GRIN2B: variants seen among roughly 807,000 people sequenced by gnomAD.
GRIN2B encodes glutamate ionotropic receptor NMDA type subunit 2B, also known as glutamate receptor ionotropic, NMDA 2B.
A neutral mutation model predicts 114.5 loss-of-function variants in GRIN2B; 5 were observed. That is an observed-to-expected ratio of 0.04 (90% CI 0.02 to 0.09). The LOEUF is 0.09. Among genes scored for constraint, GRIN2B ranks in the 10% least tolerant of loss-of-function variants. The pLI, the probability that GRIN2B is intolerant of heterozygous loss-of-function variation, is 1.00. For synonymous variants in GRIN2B, 787 were observed against 745.1 expected (o/e 1.06, Z -0.92); for missense variants, 1,108 against 1,943.5 (o/e 0.57, Z 8.08).
intron 2 of GRIN2B, among the ~76,000 whole-genome samples, chr12:13,909,975 T>G (rs909750922): frequency 7.2e-5 from 11 of 152,320 alleles, no homozygotes; most frequent in African/African-American, 2.6e-4. Context: ...TTAAGCCAAC[T>G]AAAATATTTA....
chr12:13,550,877 C>T lies in GRIN2B; in HGVS notation c.*11906G>A, dbSNP rs762686809. On this transcript the variant is annotated 3_prime_UTR_variant, in exon 14 of 14. Transcript: ENST00000609686. ...TTGAGGATGGGCTGCTCAGAGTCAA[C>T]TCAGGATAAGTATACCTCAAGATGA... The T allele has an allele frequency of 6.6e-6, 1 of 152,054 alleles. No homozygotes were observed. The highest frequency in any genetic ancestry group is 1.5e-5 in the Non-Finnish European group (1 of 68,032). The allele number at this position is 152,054 out of a possible 1,614,324, so 9.4% of individuals were successfully genotyped here. A position where few individuals can be genotyped will look rare whatever the true frequency, so the allele number is the denominator to read the frequency against.
chr12:13,801,167 CTTAAAA>C (rs1412831971), intron 3 of GRIN2B, among the ~76,000 whole-genome samples: 1 of 152,088 alleles, frequency 6.6e-6, no homozygotes, highest in Non-Finnish European at 1.5e-5. Context: ...TAAATACTGA[CTTAAAA>C]TTAAGTTCTA....
chr12:13,568,203 TAGGAAGTAGG>T lies in GRIN2B; in HGVS notation c.2360-950_2360-941del, dbSNP rs112007258. Among the ~76,000 whole-genome samples, 62 of 152,230 alleles carry T rather than the reference TAGGAAGTAGG, an allele frequency of 4.1e-4. No individual in the cohort carries two copies. The East Asian group carries it at 7.4e-3, about 18-fold the overall frequency. ...GACCTTTTTCCACTTCACCAGATGC[TAGGAAGTAGG>T]AGGAAGTAGGAAGAGGTCCCAGACA... On this transcript the variant is annotated intron_variant, in intron 12 of 13. Transcript: ENST00000609686.
At chr12:13,728,806 C>T (rs545578767) in intron 4 of GRIN2B, among the ~76,000 whole-genome samples, 48 of 152,308 alleles carry the variant, frequency 3.2e-4, no homozygotes, top group South Asian at 1.0e-3. Context: ...CAACAGTCAC[C>T]TGTAAGTTGT....
chr12:13,615,570 T>C lies in GRIN2B; in HGVS notation c.1423A>G (p.Thr475Ala). 1 of 1,612,738 alleles carries C rather than the reference T, an allele frequency of 6.2e-7. No individual in the cohort carries two copies. Among genetic ancestry groups the C allele is most frequent in the Non-Finnish European group, 8.5e-7 (1 of 1,178,766 alleles). Residue 475 changes from threonine (T) to alanine (A), a missense_variant, in exon 7 of 14, where the codon ACC becomes GCC. By Grantham distance (58) the Thr-to-Ala change is moderately conservative (BLOSUM62 0). Coordinates refer to ENST00000609686, the MANE Select transcript of GRIN2B (RefSeq NM_000834.5). This position sits in a 1 kb window ranked among gnomAD's most constrained non-coding sequence, Gnocchi z 5.8. Reference protein sequence around the residue: ...LKKISKSVKFTYDLYLVTNGK... With the variant: ...LKKISKSVKFAYDLYLVTNGK... The stretch of plus-strand genomic sequence containing the variant: ...TTGGTAACCAGGTAAAGGTCATAGG[T>C]GAACTTCACAGATTTAGAAATTTTC...
At chr12:13,744,276 T>C (rs1863335347) in intron 4 of GRIN2B, among the ~76,000 whole-genome samples, 3 of 152,216 alleles carry the variant, frequency 2.0e-5, no homozygotes, top group Admixed American at 2.0e-4. Context: ...ATCATCTAAA[T>C]AGTCTCAGCA....
chr12:13,784,108 C>T (rs1170431173), intron 3 of GRIN2B, among the ~76,000 whole-genome samples: 1 of 151,544 alleles, frequency 6.6e-6, no homozygotes, highest in Non-Finnish European at 1.5e-5. Context: ...CCTGTAGTCC[C>T]AGCTATTCAG....
At chr12:13,713,679 G>GT (rs77484247) in intron 4 of GRIN2B, among the ~76,000 whole-genome samples, 14,178 of 151,538 alleles carry the variant, frequency 0.094, 862 homozygotes, top group East Asian at 0.18. Flanking sequence ...ATTTTTGCCT[G>GT]TTTTTTTTCT....
At position 13,967,876 on chromosome 12, in the gene GRIN2B, G is replaced by A. The variant is rs570251899; in HGVS notation, c.-19+12052C>T. Among the ~76,000 whole-genome samples the A allele has an allele frequency of 4.6e-5, 7 of 152,254 alleles. 1 individual carries two copies. The South Asian group carries it at 8.3e-4, about 18-fold the overall frequency. On this transcript the variant is annotated intron_variant, in intron 2 of 13. Transcript: ENST00000609686. ...GTCAGAGCAAGAGGCATGAGCAAAG[G>A]CCTGGAGTGTAAATCAGCCTTTCAC...
chr12:13,567,990 C>CAGAG (rs979020721), intron 12 of GRIN2B, among the ~76,000 whole-genome samples: 12 of 151,782 alleles, frequency 7.9e-5, no homozygotes, highest in African/African-American at 2.9e-4. Context: ...AGAAGACAAG[C>CAGAG]AGAGAGAGAT....
intron 3 of GRIN2B, among the ~76,000 whole-genome samples, chr12:13,767,368 T>C (rs780039725): frequency 6.6e-6 from 1 of 152,022 alleles, no homozygotes; most frequent in Non-Finnish European, 1.5e-5. Flanking sequence ...ACTACCTAAA[T>C]GCTATCAGTT....
At chr12:13,565,135 A>T (rs939097419) in intron 13 of GRIN2B, among the ~76,000 whole-genome samples, 2 of 152,190 alleles carry the variant, frequency 1.3e-5, no homozygotes, top group African/African-American at 4.8e-5. Context: ...GTAGCTTACA[A>T]CTGTCACTCT....
intron 5 of GRIN2B, among the ~76,000 whole-genome samples, chr12:13,642,496 C>T (rs1044701619): frequency 1.3e-5 from 2 of 152,076 alleles, no homozygotes; most frequent in Non-Finnish European, 2.9e-5. Context: ...GAAGCTATGA[C>T]TCTCTCTTAA....
intron 2 of GRIN2B, among the ~76,000 whole-genome samples, chr12:13,894,071 G>A (rs1470096870): frequency 4.6e-5 from 7 of 152,002 alleles, no homozygotes; most frequent in Non-Finnish European, 7.4e-5. Flanking sequence ...AGATTTTAGA[G>A]GGGGGTGGCC....
At chr12:13,713,226 A>G (rs1281932920) in intron 4 of GRIN2B, among the ~76,000 whole-genome samples, 1 of 151,686 alleles carries the variant, frequency 6.6e-6, no homozygotes, top group Non-Finnish European at 1.5e-5. Context: ...TTTTTCCCCT[A>G]CTCTTGGTCC....
chr12:13,667,328 A>AG (rs1474823240), intron 5 of GRIN2B, among the ~76,000 whole-genome samples: 1 of 152,182 alleles, frequency 6.6e-6, no homozygotes, highest in Non-Finnish European at 1.5e-5. Context: ...GAAATAACAA[A>AG]GGACAGCCTT....
intron 4 of GRIN2B, among the ~76,000 whole-genome samples, chr12:13,737,971 T>C (rs1270168261): frequency 6.6e-6 from 1 of 152,190 alleles, no homozygotes; most frequent in Non-Finnish European, 1.5e-5. Flanking sequence ...TTGTCCACAG[T>C]AGACATTGCC....
chr12:13,708,661 T>C (rs2300251), intron 4 of GRIN2B, among the ~76,000 whole-genome samples: 85,948 of 151,786 alleles, frequency 0.57, 24,678 homozygotes, highest in African/African-American at 0.65. Context: ...ATCATTTCTT[T>C]CTATAAAATA....
intron 13 of GRIN2B, among the ~76,000 whole-genome samples, chr12:13,565,592 C>T (rs1402589693): frequency 6.6e-6 from 1 of 152,176 alleles, no homozygotes; most frequent in African/African-American, 2.4e-5. Flanking sequence ...AGCCAACCTC[C>T]TTCTCACATC....
Sources: allele counts gnomAD v4.1 joint callset (sites outside exome capture counted in the v4.1 genomes callset), GRCh38; gene constraint gnomAD v4.1.1; non-coding constraint Gnocchi (gnomAD v3.1); transcripts MANE v1.5; gene names NCBI Gene and HGNC (gene_info 2026-07-23, HGNC 2026-07-21).